SLC24A2: variants seen among roughly 807,000 people sequenced by gnomAD.
SLC24A2 encodes the protein sodium/potassium/calcium exchanger 2.
A neutral mutation model predicts 62.0 loss-of-function variants in SLC24A2; 36 were observed. The ratio of observed to expected loss-of-function variants is 0.58; its 90% CI spans 0.44 to 0.77. The LOEUF (loss-of-function observed/expected upper bound fraction) is 0.77. SLC24A2 is among the 30% of genes least tolerant of loss of function. SLC24A2 has a pLI of 0.00. For missense variants in SLC24A2, 846 were observed against 817.9 expected, an observed-to-expected ratio of 1.03 and a Z score of -0.42; for synonymous variants, 358 against 294.0, an observed-to-expected ratio of 1.22 and a Z score of -2.23.
the SLC24A2 span, among the ~76,000 whole-genome samples, chr9:19,867,522 G>A: frequency 6.6e-6 from 1 of 151,964 alleles, no homozygotes; most frequent in Non-Finnish European, 1.5e-5. Context: ...GATTGCTAGT[G>A]CTGTCTCCTC....
chr9:20,276,061 G>A, the SLC24A2 span, among the ~76,000 whole-genome samples: 434 of 151,982 alleles, frequency 2.9e-3, 3 homozygotes, highest in African/African-American at 0.01. Flanking sequence ...TCTGCCCCTG[G>A]CCCCTCCCAA....
the SLC24A2 span, among the ~76,000 whole-genome samples, chr9:19,910,461 C>T: frequency 6.6e-6 from 1 of 152,100 alleles, no homozygotes; most frequent in African/African-American, 2.4e-5. Flanking sequence ...ATAGAGTTCA[C>T]CCTTATGCTT....
the SLC24A2 span, among the ~76,000 whole-genome samples, chr9:20,224,626 G>T: frequency 1.3e-5 from 2 of 150,714 alleles, no homozygotes; most frequent in African/African-American, 4.9e-5. Context: ...CAGGTTAACA[G>T]ATAATGCAAT....
At chr9:20,142,241 A>G in the SLC24A2 span, among the ~76,000 whole-genome samples, 127 of 152,196 alleles carry the variant, frequency 8.3e-4, 1 homozygote, top group African/African-American at 3.0e-3. Context: ...CTCAATAATT[A>G]CCGATTGATT....
chr9:19,536,081 G>C (rs1447347867), intron 8 of SLC24A2, among the ~76,000 whole-genome samples: 1 of 150,412 alleles, frequency 6.6e-6, no homozygotes, highest in Non-Finnish European at 1.5e-5. Context: ...GTATTCCTAG[G>C]CATTTTATTC....
chr9:20,045,779 G>T, the SLC24A2 span, among the ~76,000 whole-genome samples: 3 of 152,116 alleles, frequency 2.0e-5, no homozygotes, highest in African/African-American at 7.2e-5. Context: ...GGCCGTCCAT[G>T]CATGCTTATA....
intron 2 of SLC24A2, among the ~76,000 whole-genome samples, chr9:19,667,330 TC>T (rs1180944581): frequency 6.6e-6 from 1 of 152,156 alleles, no homozygotes; most frequent in Non-Finnish European, 1.5e-5. Flanking sequence ...CCCACCCAGG[TC>T]CATCCTTTCT....
rs1411115850 is a variant in SLC24A2, at chr9:19,659,672, G to A, written c.931-37373C>T. On this transcript the variant is annotated intron_variant, in intron 2 of 10. Coordinates refer to ENST00000341998, the MANE Select transcript of SLC24A2 (RefSeq NM_020344.4). ...AACCTGACGACTAGGGCTGCAGACT[G>A]TATTTTTAACACTGATGACATGCCT... 4.6e-5 allele frequency among the ~76,000 whole-genome samples: 7 copies of A among 152,268 alleles called. No individual in the cohort carries two copies. In the East Asian group the frequency reaches 1.2e-3, roughly 25 times the overall value.
At chr9:19,579,799 G>C (rs1273923088) in intron 5 of SLC24A2, among the ~76,000 whole-genome samples, 1 of 152,152 alleles carries the variant, frequency 6.6e-6, no homozygotes, top group East Asian at 1.9e-4. Flanking sequence ...AATCTTTTCA[G>C]AGTTTAGGTG....
chr9:19,562,820 T>G (rs1835472191), intron 7 of SLC24A2, among the ~76,000 whole-genome samples: 1 of 152,200 alleles, frequency 6.6e-6, no homozygotes, highest in Non-Finnish European at 1.5e-5. Context: ...AAATCCAATC[T>G]AGGCTGGATT....
the SLC24A2 span, among the ~76,000 whole-genome samples, chr9:20,279,879 C>T: frequency 6.6e-6 from 1 of 152,118 alleles, no homozygotes; most frequent in Non-Finnish European, 1.5e-5. Context: ...TCATTGTTAT[C>T]GATGATGTAG....
At chr9:19,723,035 A>G (rs1255757203) in intron 2 of SLC24A2, among the ~76,000 whole-genome samples, 2 of 152,164 alleles carry the variant, frequency 1.3e-5, no homozygotes, top group Non-Finnish European at 2.9e-5. Flanking sequence ...GAAAATCCCA[A>G]AGCAAACAGC....
chr9:19,781,838 C>T (rs1391046384), intron 2 of SLC24A2, among the ~76,000 whole-genome samples: 1 of 152,096 alleles, frequency 6.6e-6, no homozygotes. Flanking sequence ...AAAGTTGAGG[C>T]AACACATGTA....
At chr9:19,529,652 G>A (rs1015498313) in intron 8 of SLC24A2, among the ~76,000 whole-genome samples, 3 of 151,660 alleles carry the variant, frequency 2.0e-5, no homozygotes, top group African/African-American at 7.3e-5. Flanking sequence ...AAATATTTTG[G>A]ACAAGGACTC....
At chr9:19,566,297 T>C (rs10811209) in intron 7 of SLC24A2, among the ~76,000 whole-genome samples, 120,939 of 136,602 alleles carry the variant, frequency 0.89, 53,340 homozygotes, top group East Asian at 0.98. Context: ...AAAAAGTGGG[T>C]GAAGGATATG....
At chr9:20,195,041 G>A in the SLC24A2 span, among the ~76,000 whole-genome samples, 2 of 152,186 alleles carry the variant, frequency 1.3e-5, no homozygotes, top group Non-Finnish European at 2.9e-5. Flanking sequence ...TGGAATATTG[G>A]ATATGTTCTT....
At chr9:20,180,802 A>G in the SLC24A2 span, among the ~76,000 whole-genome samples, 2 of 152,222 alleles carry the variant, frequency 1.3e-5, no homozygotes, top group African/African-American at 4.8e-5. Context: ...TTAACACAGA[A>G]GAGAAGACAA....
intron 4 of SLC24A2, among the ~76,000 whole-genome samples, chr9:19,607,415 A>T (rs1285673055): frequency 2.0e-5 from 3 of 152,074 alleles, no homozygotes; most frequent in Non-Finnish European, 4.4e-5. Flanking sequence ...CTCAAATGCC[A>T]TCAAAATCAT....
chr9:20,094,876 G>A, the SLC24A2 span, among the ~76,000 whole-genome samples: 4 of 152,068 alleles, frequency 2.6e-5, no homozygotes, highest in Non-Finnish European at 5.9e-5. Flanking sequence ...AGTATGAAAA[G>A]TTATTTAATA....
Sources: allele counts gnomAD v4.1 joint callset (sites outside exome capture counted in the v4.1 genomes callset), GRCh38; gene constraint gnomAD v4.1.1; transcripts MANE v1.5; gene names NCBI Gene and HGNC (gene_info 2026-07-23, HGNC 2026-07-21).